Variants in CETN3 observed in about 807,000 individuals in gnomAD.
CETN3 encodes the protein centrin-3.
In CETN3, 17 loss-of-function variants were observed where a neutral mutation model predicts 20.1. The observed-to-expected ratio is 0.85, with a 90% CI of 0.58 to 1.27. The LOEUF (loss-of-function observed/expected upper bound fraction) is 1.27. Among genes scored for constraint, CETN3 ranks in the 50% most tolerant of loss-of-function variants. The pLI, the probability that CETN3 is intolerant of heterozygous loss-of-function variation, is 0.00. For synonymous variants in CETN3, 52 were observed against 59.7 expected (o/e 0.87, Z 0.59); for missense variants, 169 against 191.2 (o/e 0.88, Z 0.69).
In CETN3 at chr5:90,394,100, T is replaced by C. The variant is rs762665422; in HGVS notation, c.468A>G (p.Gln156=). The C allele has an allele frequency of 6.4e-7, 1 of 1,554,786 alleles. No individual in the cohort carries two copies. The highest frequency in any genetic ancestry group is 1.2e-5 in the South Asian group (1 of 86,634). The change falls in exon 5 of 5, where the codon CAA becomes CAG. Residue 156 remains glutamine, a synonymous_variant. Coordinates refer to ENST00000283122, the MANE Select transcript of CETN3 (RefSeq NM_004365.4). ...CAGTCATAATAGCAATGAACTCCTC[T>C]TGGTTTACTGTGGTAAGAAAGAAAA... is the stretch of plus-strand genomic sequence containing the variant. ...FDKDGDGEIN[Q]EEFIAIMTGD...
chr5:90,407,945 T>G (rs1268017193), intron 1 of CETN3, 111 bp from the exon 2 acceptor site: 2 of 901,178 alleles, frequency 2.2e-6, no homozygotes. Context: ...TGGAGAAAGA[T>G]AGGGAAACTT....
At chr5:90,399,273 T>C in intron 4 of CETN3, 85 bp downstream of exon 4, 1 of 1,219,162 alleles carries the variant, frequency 8.2e-7, no homozygotes, top group Non-Finnish European at 1.2e-6. Context: ...TACAAAAAAG[T>C]CTTGCAAGTC....
chr5:90,396,403 G>C, intron 4 of CETN3: 2 of 1,446,476 alleles, frequency 1.4e-6, no homozygotes. Flanking sequence ...AGCCATGTCT[G>C]AATATCTTAG....
chr5:90,401,873 A>G (rs1052630862), intron 3 of CETN3, among the ~76,000 whole-genome samples: 1 of 152,188 alleles, frequency 6.6e-6, no homozygotes, highest in Non-Finnish European at 1.5e-5. Flanking sequence ...GTTTTAAAAC[A>G]AGGTCTCGCT....
intron 2 of CETN3, among the ~76,000 whole-genome samples, chr5:90,406,295 C>T (rs1749437268): frequency 6.6e-6 from 1 of 151,808 alleles, no homozygotes; most frequent in Non-Finnish European, 1.5e-5. Context: ...AGGAAGGAGA[C>T]ATATTACTGA....
At chr5:90,405,583 A>T (rs748893679) in intron 3 of CETN3, 102 bp downstream of exon 3, 1 of 762,738 alleles carries the variant, frequency 1.3e-6, no homozygotes, top group South Asian at 1.6e-5. Context: ...CCAGTGTTCT[A>T]TAAGAAAATT....
chr5:90,398,078 C>G (rs1033454015), intron 4 of CETN3, among the ~76,000 whole-genome samples: 2 of 152,062 alleles, frequency 1.3e-5, no homozygotes, highest in African/African-American at 4.8e-5. Context: ...GGGGAAGTGA[C>G]TCTTTCTGTA....
At chr5:90,408,914 A>C (rs542380022) in intron 1 of CETN3, among the ~76,000 whole-genome samples, 1 of 152,086 alleles carries the variant, frequency 6.6e-6, no homozygotes, top group South Asian at 2.1e-4. Flanking sequence ...TCCTGGGGTC[A>C]GTCTTTTCCT....
At chr5:90,397,026 T>C (rs955383806) in intron 4 of CETN3, among the ~76,000 whole-genome samples, 2 of 152,098 alleles carry the variant, frequency 1.3e-5, no homozygotes, top group African/African-American at 2.4e-5. Context: ...TACAAGAGGA[T>C]ATGTGAAAGT....
At chr5:90,398,227 CAA>C (rs1308910685) in intron 4 of CETN3, among the ~76,000 whole-genome samples, 1 of 151,920 alleles carries the variant, frequency 6.6e-6, no homozygotes, top group Non-Finnish European at 1.5e-5. Context: ...GAAAAAGTCA[CAA>C]AGAGAGAAGA....
At chr5:90,399,183 G>A (rs1749214510) in intron 4 of CETN3, 175 bp downstream of exon 4, 1 of 627,864 alleles carries the variant, frequency 1.6e-6, no homozygotes, top group South Asian at 2.0e-5. Flanking sequence ...AAGTATAATT[G>A]GTTTTAGAGA....
chr5:90,407,680 T>A lies in CETN3; in HGVS notation c.153+19A>T. On this transcript the variant is annotated intron_variant, in intron 2 of 4. Coordinates refer to ENST00000283122, the MANE Select transcript of CETN3 (RefSeq NM_004365.4). ...AATCATTTTAACACAGAAACAAATA[T>A]TTTAAAGTATACCATTACCTTTAAT... 7.1e-7 allele frequency: 1 copy of A among 1,410,868 alleles called. No homozygotes were observed. Among genetic ancestry groups the A allele is most frequent in the Middle Eastern group, 2.0e-4 (1 of 4,916 alleles). 87.4% of individuals were successfully genotyped at this position (1,410,868 alleles called of 1,614,324 possible).
intron 4 of CETN3, among the ~76,000 whole-genome samples, chr5:90,395,126 G>A (rs1314849256): frequency 2.6e-5 from 4 of 152,098 alleles, no homozygotes; most frequent in African/African-American, 9.7e-5. Flanking sequence ...ACTGAACTAT[G>A]AGATGATGTT....
At chr5:90,408,439 T>C (rs1041866835) in intron 1 of CETN3, among the ~76,000 whole-genome samples, 1 of 152,276 alleles carries the variant, frequency 6.6e-6, no homozygotes, top group South Asian at 2.1e-4. Flanking sequence ...TAACAAACCA[T>C]CGAAAATATT....
At chr5:90,403,913 A>G (rs2151883544) in intron 3 of CETN3, among the ~76,000 whole-genome samples, 1 of 149,542 alleles carries the variant, frequency 6.7e-6, no homozygotes, top group East Asian at 2.0e-4. Flanking sequence ...ACAATTTTTA[A>G]ATTGTGTTCA....
At chr5:90,395,888 A>G (rs556443500) in intron 4 of CETN3, 1 of 904,826 alleles carries the variant, frequency 1.1e-6, no homozygotes, top group East Asian at 1.2e-4. Context: ...TATATACTGC[A>G]CTGGTTCTAG....
chr5:90,395,748 G>T (rs1749124024), intron 4 of CETN3: 1 of 372,692 alleles, frequency 2.7e-6, no homozygotes, highest in Non-Finnish European at 3.7e-6. Flanking sequence ...TAGGCAGAAG[G>T]TACAATGGTG....
At chr5:90,403,987 T>C (rs1305362835) in intron 3 of CETN3, among the ~76,000 whole-genome samples, 1 of 152,026 alleles carries the variant, frequency 6.6e-6, no homozygotes, top group East Asian at 1.9e-4. Flanking sequence ...CAATAGCCTT[T>C]ATGAAAAAAG....
At chr5:90,400,475 A>G (rs1049640637) in intron 3 of CETN3, among the ~76,000 whole-genome samples, 7 of 152,176 alleles carry the variant, frequency 4.6e-5, no homozygotes, top group African/African-American at 1.7e-4. Flanking sequence ...CAGTATCTAA[A>G]TAAGTATCTC....
Sources: gnomAD v4.1 joint callset for allele counts (sites outside exome capture counted in the v4.1 genomes callset) on GRCh38, gnomAD v4.1.1 for gene constraint, MANE v1.5 for transcripts, NCBI Gene and HGNC (gene_info 2026-07-23, HGNC 2026-07-21) for gene names.